Variants in SNRPA observed in about 807,000 individuals in gnomAD.
SNRPA encodes the protein U1 small nuclear ribonucleoprotein A.
In SNRPA, 10 loss-of-function variants were observed where a neutral mutation model predicts 24.5. The observed-to-expected ratio is 0.41, with a 90% confidence interval of 0.25 to 0.69. The LOEUF (loss-of-function observed/expected upper bound fraction) is 0.69, where lower values mean the gene tolerates loss of function less well. Among genes scored for constraint, SNRPA ranks in the 30% least tolerant of loss-of-function variants. The pLI, the probability that SNRPA is intolerant of heterozygous loss-of-function variation, is 0.33. For missense variants in SNRPA, 283 were observed against 394.7 expected, an observed-to-expected ratio of 0.72 and a Z score of 2.40; for synonymous variants, 165 against 148.4, an observed-to-expected ratio of 1.11 and a Z score of -0.81.
At position 40,751,378 on chromosome 19, in the gene SNRPA, T is replaced by C. The variant is rs768109901; in HGVS notation, c.-31T>C. ...CCCAGGGCTAAAGTCACGTTTTTCCTCCTTTAAGACTTACCTCAACACTTC... is the reference window on the plus strand; with the variant it reads ...CCCAGGGCTAAAGTCACGTTTTTCCCCCTTTAAGACTTACCTCAACACTTC... On this transcript the variant is annotated 5_prime_UTR_variant, in exon 1 of 6. Transcript: ENST00000243563. 3.8e-6 allele frequency: 6 copies of C among 1,567,170 alleles called. 1 individual carries two copies. The South Asian group carries it at 6.7e-5, about 17-fold the overall frequency.
chr19:40,762,368 C>G (rs1669578166), intron 3 of SNRPA, among the ~76,000 whole-genome samples: 1 of 152,006 alleles, frequency 6.6e-6, no homozygotes, highest in African/African-American at 2.4e-5. Context: ...AGGTGCCCAC[C>G]ACCACGCCTG....
intron 1 of SNRPA, among the ~76,000 whole-genome samples, chr19:40,753,040 C>T (rs2082890052): frequency 6.6e-6 from 1 of 152,150 alleles, no homozygotes; most frequent in Non-Finnish European, 1.5e-5. Context: ...TTTGAGGTTA[C>T]CAGTGAAGTT....
intron 1 of SNRPA, among the ~76,000 whole-genome samples, chr19:40,755,463 C>T (rs1205702775): frequency 6.6e-6 from 1 of 151,838 alleles, no homozygotes; most frequent in Non-Finnish European, 1.5e-5. Flanking sequence ...CAACCTCTGC[C>T]TCCCAGGCTA....
chr19:40,759,748 TTC>T (rs2082923901), intron 3 of SNRPA, 138 bp downstream of exon 3: 15 of 734,672 alleles, frequency 2.0e-5, no homozygotes, highest in African/African-American at 3.6e-5. Flanking sequence ...AGAGATGTGT[TTC>T]TCTCTCTCTT....
chr19:40,757,735 G>T (rs539680345), intron 2 of SNRPA, among the ~76,000 whole-genome samples: 1 of 151,798 alleles, frequency 6.6e-6, no homozygotes, highest in Non-Finnish European at 1.5e-5. Context: ...CTGAGCTCAG[G>T]AGTTTGCAGC....
intron 1 of SNRPA, among the ~76,000 whole-genome samples, chr19:40,753,384 GTTTTTTTTT>G (rs746525368): frequency 2.4e-3 from 94 of 38,382 alleles, no homozygotes; most frequent in African/African-American, 9.9e-3. Context: ...TTTTGCATAT[GTTTTTTTTT>G]TTTTTTTTTT....
At chr19:40,753,836 G>A (rs1456773852) in intron 1 of SNRPA, among the ~76,000 whole-genome samples, 4 of 149,284 alleles carry the variant, frequency 2.7e-5, no homozygotes, top group Non-Finnish European at 4.5e-5. Flanking sequence ...TTCCTCTGTC[G>A]CCCAGGCTGG....
chr19:40,752,060 G>A (rs1029480360), intron 1 of SNRPA, among the ~76,000 whole-genome samples: 3 of 152,192 alleles, frequency 2.0e-5, no homozygotes, highest in African/African-American at 7.2e-5. Context: ...GGGGCCGGGC[G>A]CGGTGGCTCA....
rs1964792769 is a variant in SNRPA, at chr19:40,757,210, G to A, written c.74-122G>A. The A allele has an allele frequency of 5.9e-6, 5 of 854,408 alleles. No individual in the cohort carries two copies. In the South Asian group the frequency reaches 6.3e-5, roughly 11 times the overall value. 52.9% of individuals were successfully genotyped at this position (854,408 alleles called of 1,614,324 possible). ...TCCTGGCTGCTTCTGTGATTGTTAG[G>A]TCTTGAGAGATTATGGACCCGAGGC... On this transcript the variant is annotated intron_variant, in intron 1 of 5. Coordinates refer to ENST00000243563, the MANE Select transcript of SNRPA (RefSeq NM_004596.5).
Position 40,751,491 on chromosome 19 carries a change from C to T in SNRPA, c.73+10C>T, listed in dbSNP as rs2607418. 90,405 of 1,599,056 alleles carry T rather than the reference C, an allele frequency of 0.057. 3,624 individuals carry two copies. Among genetic ancestry groups the T allele is most frequent in the East Asian group, 0.24 (10,808 of 44,744 alleles). ...AAGATCAAGAAGGATGGTGAGTTCT[C>T]GGGATAGTCCGGAGTCCAGACTGTC... On this transcript the variant is annotated intron_variant, in intron 1 of 5. Transcript: ENST00000243563.
intron 3 of SNRPA, among the ~76,000 whole-genome samples, chr19:40,761,446 CTTTTTCTTTTTCTTTTTT>C (rs1391503596): frequency 3.7e-5 from 4 of 108,312 alleles, no homozygotes; most frequent in African/African-American, 1.3e-4. Flanking sequence ...CTTTTCTTTT[CTTTTTCTTTTTCTTTTTT>C]TTTTTTTTTT....
intron 1 of SNRPA, among the ~76,000 whole-genome samples, chr19:40,754,277 A>G (rs2082899173): frequency 6.6e-6 from 1 of 151,506 alleles, no homozygotes; most frequent in African/African-American, 2.4e-5. Flanking sequence ...TAATTTTTGT[A>G]TTTTTAGTAG....
chr19:40,761,458 C>CTTTTTTT (rs200242370), intron 3 of SNRPA, among the ~76,000 whole-genome samples: 3,548 of 85,984 alleles, frequency 0.041, 86 homozygotes, highest in Non-Finnish European at 0.056. Context: ...TTTTCTTTTT[C>CTTTTTTT]TTTTTTTTTT....
At chr19:40,762,345 T>C (rs1214343721) in intron 3 of SNRPA, among the ~76,000 whole-genome samples, 2 of 151,962 alleles carry the variant, frequency 1.3e-5, no homozygotes, top group Non-Finnish European at 2.9e-5. Context: ...GCCACTCTAG[T>C]AGCCGGGATT....
chr19:40,759,006 G>C (rs1173001382), intron 2 of SNRPA: 1 of 152,026 alleles, frequency 6.6e-6, no homozygotes, highest in Non-Finnish European at 1.5e-5. Flanking sequence ...TCAGGAGTTC[G>C]AGACCAGCCT....
chr19:40,758,374 C>T (rs1468488817), intron 2 of SNRPA, among the ~76,000 whole-genome samples: 1 of 152,174 alleles, frequency 6.6e-6, no homozygotes, highest in Non-Finnish European at 1.5e-5. Context: ...CGCCTGGCAT[C>T]TGGCAGGTTC....
chr19:40,753,384 G>GTTTTTGT (rs2082893015), intron 1 of SNRPA, among the ~76,000 whole-genome samples: 1 of 38,382 alleles, frequency 2.6e-5, no homozygotes, highest in African/African-American at 1.1e-4. Context: ...TTTTGCATAT[G>GTTTTTGT]TTTTTTTTTT....
chr19:40,764,856 T>C (rs2082947599), intron 5 of SNRPA, 152 bp from the exon 6 acceptor site: 2 of 628,938 alleles, frequency 3.2e-6, no homozygotes, highest in Non-Finnish European at 5.0e-6. Context: ...TTCAACTTAG[T>C]ACTATCTGCA....
chr19:40,765,137 C>A lies in SNRPA; in HGVS notation c.819C>A (p.Asn273Lys). 1 of 1,549,912 alleles carries A rather than the reference C, an allele frequency of 6.5e-7. No individual in the cohort carries two copies. The highest frequency in any genetic ancestry group is 8.7e-7 in the Non-Finnish European group (1 of 1,148,326). The part of the protein sequence containing the change: ...ALQGFKITQN[N>K]AMKISFAKK ...AGGGCTTTAAGATCACGCAGAACAA[C>A]GCCATGAAGATCTCCTTTGCCAAGA... is the stretch of plus-strand genomic sequence containing the variant. The change falls in exon 6 of 6, where the codon AAC becomes AAA. Residue 273 changes from asparagine (N) to lysine (K), a missense_variant. Physicochemically the swap from Asn to Lys is moderately conservative, Grantham distance 94 (BLOSUM62 0). This residue lies in a region of SNRPA where 51 missense variants were observed against 110.3 expected (regional missense o/e 0.46). Coordinates refer to ENST00000243563, the MANE Select transcript of SNRPA (RefSeq NM_004596.5).
Sources: allele counts gnomAD v4.1 joint callset (sites outside exome capture counted in the v4.1 genomes callset), GRCh38; gene constraint gnomAD v4.1.1; regional missense constraint gnomAD v4.1.1; transcripts MANE v1.5; gene names NCBI Gene and HGNC (gene_info 2026-07-23, HGNC 2026-07-21).